The following ANKS1B variants were observed in gnomAD, a reference collection of about 807,000 sequenced individuals.
ANKS1B encodes ankyrin repeat and sterile alpha motif domain containing 1B, also known as ankyrin repeat and sterile alpha motif domain-containing protein 1B.
ANKS1B carries 36 observed loss-of-function variants against 148.3 expected under a neutral mutation model. That is an observed-to-expected ratio of 0.24 (90% confidence interval 0.19 to 0.32). The LOEUF (loss-of-function observed/expected upper bound fraction) is 0.32. Among genes scored for constraint, ANKS1B ranks in the 10% least tolerant of loss-of-function variants. The probability of loss-of-function intolerance (pLI) is 1.00; values close to 1 mark genes in which losing one functional copy is unlikely to be tolerated. For missense variants in ANKS1B, 1,157 were observed against 1,542.6 expected, an observed-to-expected ratio of 0.75 and a Z score of 4.19; for synonymous variants, 542 against 560.8, an observed-to-expected ratio of 0.97 and a Z score of 0.47.
chr12:99,571,338 T>C (rs144449858), intron 9 of ANKS1B, among the ~76,000 whole-genome samples: 1 of 151,944 alleles, frequency 6.6e-6, no homozygotes, highest in Non-Finnish European at 1.5e-5. Flanking sequence ...TACACAAATA[T>C]AGCTATATCT....
At chr12:99,433,962 C>A (rs2095419843) in intron 11 of ANKS1B, among the ~76,000 whole-genome samples, 1 of 152,064 alleles carries the variant, frequency 6.6e-6, no homozygotes, top group South Asian at 2.1e-4. Context: ...ACTCAAATCA[C>A]CGCTTAAGAT....
chr12:99,855,476 A>G (rs962742727), intron 1 of ANKS1B, among the ~76,000 whole-genome samples: 2 of 152,084 alleles, frequency 1.3e-5, no homozygotes, highest in Non-Finnish European at 2.9e-5. Context: ...AAACTTCAAC[A>G]CTCCACTGAC....
chr12:99,247,027 T>C (rs1223178957), intron 12 of ANKS1B, among the ~76,000 whole-genome samples, 163 bp from the exon 13 acceptor site: 3 of 152,202 alleles, frequency 2.0e-5, no homozygotes, highest in African/African-American at 7.2e-5. Flanking sequence ...GTGCCATGTA[T>C]AGAATGAATG....
chr12:99,565,994 T>G (rs896834765), intron 9 of ANKS1B, among the ~76,000 whole-genome samples: 8 of 152,166 alleles, frequency 5.3e-5, no homozygotes, highest in African/African-American at 1.9e-4. Context: ...CTTAATCTCT[T>G]GAAAAGAGCC....
At chr12:99,239,697 C>G (rs1278599486) in intron 14 of ANKS1B, among the ~76,000 whole-genome samples, 2 of 152,128 alleles carry the variant, frequency 1.3e-5, no homozygotes, top group Non-Finnish European at 2.9e-5. Context: ...AAGGGAAGCC[C>G]ATTAGACTAA....
At chr12:99,516,696 C>T (rs1223361932) in intron 9 of ANKS1B, among the ~76,000 whole-genome samples, 1 of 151,948 alleles carries the variant, frequency 6.6e-6, no homozygotes, top group East Asian at 1.9e-4. Flanking sequence ...CACATATTTA[C>T]CTATGTAACA....
At chr12:99,027,919 G>A (rs1016204007) in intron 17 of ANKS1B, among the ~76,000 whole-genome samples, 1 of 152,104 alleles carries the variant, frequency 6.6e-6, no homozygotes, top group Non-Finnish European at 1.5e-5. Context: ...TATGATTATT[G>A]CCATAGCTAC....
At chr12:99,508,856 T>A (rs1010156951) in intron 9 of ANKS1B, among the ~76,000 whole-genome samples, 1 of 151,914 alleles carries the variant, frequency 6.6e-6, no homozygotes, top group Admixed American at 6.6e-5. Context: ...TACCTCAAGG[T>A]GTATCGTGTT....
At position 98,854,846 on chromosome 12, in the gene ANKS1B, T is replaced by G. The variant is rs913256894; in HGVS notation, c.2779-22710A>C. 9.8e-5 allele frequency among the ~76,000 whole-genome samples: 15 copies of G among 152,286 alleles called. No homozygotes were observed. The East Asian group carries it at 2.7e-3, about 27-fold the overall frequency. On this transcript the variant is annotated intron_variant, in intron 17 of 26. Transcript: ENST00000683438. ...TTTCACTCATTTCCCATCAGACAAT[T>G]TTAATCTGAATAAAGTTTTTAAAAA... is the stretch of plus-strand genomic sequence containing the variant.
chr12:99,640,925 A>C (rs2098296921), intron 9 of ANKS1B, among the ~76,000 whole-genome samples: 1 of 152,214 alleles, frequency 6.6e-6, no homozygotes. Context: ...TATTAGAAAA[A>C]TTAGATCTGC....
chr12:99,894,471 C>T (rs1418801281), intron 1 of ANKS1B, among the ~76,000 whole-genome samples: 11 of 146,570 alleles, frequency 7.5e-5, no homozygotes, highest in Non-Finnish European at 1.0e-4. Flanking sequence ...GCCATGCCAC[C>T]GCACTCCAGC....
At chr12:99,391,586 A>G (rs1288227312) in intron 12 of ANKS1B, among the ~76,000 whole-genome samples, 1 of 152,236 alleles carries the variant, frequency 6.6e-6, no homozygotes, top group Non-Finnish European at 1.5e-5. Flanking sequence ...GCACACCCTG[A>G]GTAAACATAT....
chr12:99,062,745 G>A (rs1230340750), intron 16 of ANKS1B, among the ~76,000 whole-genome samples: 1 of 152,080 alleles, frequency 6.6e-6, no homozygotes, highest in Non-Finnish European at 1.5e-5. Context: ...ACATGGAAAG[G>A]GGTAAAGAAA....
At chr12:99,600,053 G>A (rs1208784976) in intron 9 of ANKS1B, among the ~76,000 whole-genome samples, 1 of 151,736 alleles carries the variant, frequency 6.6e-6, no homozygotes, top group African/African-American at 2.4e-5. Flanking sequence ...GTTCATTGGT[G>A]AATTTTAGCC....
chr12:99,514,592 T>C (rs2096797348), intron 9 of ANKS1B, among the ~76,000 whole-genome samples: 1 of 152,096 alleles, frequency 6.6e-6, no homozygotes, highest in Admixed American at 6.6e-5. Context: ...AAGTGACTTG[T>C]CCAATATTAA....
intron 17 of ANKS1B, chr12:99,048,799 C>G (rs1337436631): frequency 6.6e-6 from 1 of 152,266 alleles, no homozygotes; most frequent in African/African-American, 2.4e-5. Flanking sequence ...CTTGGGCTGG[C>G]TGAGGGAAGC....
At chr12:99,567,494 T>C (rs896720791) in intron 9 of ANKS1B, among the ~76,000 whole-genome samples, 1 of 152,046 alleles carries the variant, frequency 6.6e-6, no homozygotes, top group Non-Finnish European at 1.5e-5. Flanking sequence ...AGATAATATT[T>C]TTTTCTAAAA....
intron 14 of ANKS1B, among the ~76,000 whole-genome samples, chr12:99,184,109 C>G (rs2079483884): frequency 1.3e-5 from 2 of 152,160 alleles, no homozygotes; most frequent in Admixed American, 1.3e-4. Flanking sequence ...TAAACAAGCA[C>G]TCAGTTTTTA....
intron 14 of ANKS1B, among the ~76,000 whole-genome samples, chr12:99,240,584 G>A (rs1327466453): frequency 6.6e-6 from 1 of 150,708 alleles, no homozygotes; most frequent in Non-Finnish European, 1.5e-5. Flanking sequence ...CTACAGAACT[G>A]CATACCCCAA....
Sources: gnomAD v4.1 joint callset for allele counts (sites outside exome capture counted in the v4.1 genomes callset) on GRCh38, gnomAD v4.1.1 for gene constraint, MANE v1.5 for transcripts, NCBI Gene and HGNC (gene_info 2026-07-23, HGNC 2026-07-21) for gene names.